DNAH2: variants seen among roughly 807,000 people sequenced by gnomAD.
The protein encoded by DNAH2 is dynein axonemal heavy chain 2, also known as axonemal beta dynein heavy chain 2.
Under a neutral mutation model 523.5 loss-of-function variants are expected in DNAH2, and 323 were observed. That is an observed-to-expected ratio of 0.62 (90% confidence interval 0.56 to 0.68). DNAH2 has a LOEUF of 0.68. DNAH2 is among the 30% of genes least tolerant of loss of function. The pLI is 0.00. For missense variants in DNAH2, 4,907 were observed against 5,701.5 expected (o/e 0.86, Z 4.49); for synonymous variants, 2,093 against 2,177.4 (o/e 0.96, Z 1.08).
chr17:7,809,241 C>T (rs2077445590), intron 63 of DNAH2, among the ~76,000 whole-genome samples: 1 of 152,194 alleles, frequency 6.6e-6, no homozygotes. Flanking sequence ...GAGCCTGAGG[C>T]TAGGGAGATC....
intron 49 of DNAH2, among the ~76,000 whole-genome samples, chr17:7,795,362 C>T (rs1176922705): frequency 6.6e-6 from 1 of 151,946 alleles, no homozygotes; most frequent in African/African-American, 2.4e-5. Flanking sequence ...GAATATTTTG[C>T]ATTCATTTTT....
chr17:7,769,456 C>T (rs570425214), intron 24 of DNAH2, among the ~76,000 whole-genome samples: 2 of 152,272 alleles, frequency 1.3e-5, no homozygotes, highest in South Asian at 4.1e-4. Context: ...GCCACCGTGC[C>T]CGTCCCGCCT....
At chr17:7,820,000 G>A (rs1190537923) in intron 72 of DNAH2, among the ~76,000 whole-genome samples, 1 of 152,016 alleles carries the variant, frequency 6.6e-6, no homozygotes, top group African/African-American at 2.4e-5. Flanking sequence ...GTACAGAAAG[G>A]GTCTCCCTAT....
chr17:7,831,763 G>T lies in DNAH2; in HGVS notation c.12714G>T (p.Pro4238=). 1 of 1,613,758 alleles carries T rather than the reference G, an allele frequency of 6.2e-7. No individual in the cohort carries two copies. Among genetic ancestry groups the T allele is most frequent in the Non-Finnish European group, 8.5e-7 (1 of 1,179,814 alleles). Residue 4238 remains proline, a synonymous_variant, in exon 82 of 86, where the codon CCG becomes CCT. Coordinates refer to ENST00000572933, the MANE Select transcript of DNAH2 (RefSeq NM_020877.5). The surrounding 1 kb of genome is among the most constrained non-coding windows in gnomAD (Gnocchi z 4.2). ...FNCIFDAHVP[P]LWGKAYPSQK... ...GCATCTTTGATGCCCATGTTCCTCC[G>T]CTCTGGGGAAAGGCAAGATTATACC...
Position 7,719,747 on chromosome 17 carries a change from G to A in DNAH2, c.13G>A (p.Ala5Thr), listed in dbSNP as rs756062018. The A allele has an allele frequency of 6.2e-7, 1 of 1,614,236 alleles. No homozygotes were observed. The highest frequency in any genetic ancestry group is 2.2e-5 in the East Asian group (1 of 44,880). ...TTTTGCCTGCACGATGTCCAGCAAAGCTGAGAAGAAGCAGCGATTGAGTGG... is the reference window on the plus strand; with the variant it reads ...TTTTGCCTGCACGATGTCCAGCAAAACTGAGAAGAAGCAGCGATTGAGTGG... MSSK[A>T]EKKQRLSGRG... Residue 5 changes from alanine (A) to threonine (T), a missense_variant, in exon 2 of 86, where the codon GCT (alanine) becomes ACT (threonine). Ala to Thr is a moderately conservative substitution (Grantham distance 58, BLOSUM62 0). Transcript: ENST00000572933.
chr17:7,759,528 A>G lies in DNAH2; in HGVS notation c.2555A>G (p.Asn852Ser). 1 of 1,614,204 alleles carries G rather than the reference A, an allele frequency of 6.2e-7. No individual in the cohort carries two copies. Among genetic ancestry groups the G allele is most frequent in the African/African-American group, 1.3e-5 (1 of 75,050 alleles). The change falls in exon 16 of 86, where the codon AAC becomes AGC. Residue 852 changes from asparagine (N) to serine (S), a missense_variant. Asn to Ser is a conservative substitution (Grantham distance 46, BLOSUM62 1). Around this residue, in one of 3 missense-constraint regions of DNAH2, gnomAD observed 2,806 missense variants for 3,190.8 expected, o/e 0.88. Transcript: ENST00000572933. ...CTGCTAGAACTATCCAAGGCTATCA[A>G]CGGGGATGGAAAGACCAGCCCAAAC... ...WSLLELSKAI[N>S]GDGKTSPNPL...
In DNAH2 at chr17:7,833,419, A is replaced by T; in HGVS notation, c.13170A>T (p.Ala4390=). 1 of 1,614,166 alleles carries T rather than the reference A, an allele frequency of 6.2e-7. No homozygotes were observed. Among genetic ancestry groups the T allele is most frequent in the South Asian group, 1.1e-5 (1 of 91,092 alleles). Residue 4390 remains alanine (A), a synonymous_variant, in exon 86 of 86, where the codon GCA becomes GCT. Transcript: ENST00000572933. ...SCPCYYYPNR[A]GSSDRASFVI... ...CCTGCTATTACTATCCCAACCGGGC[A>T]GGCAGCTCAGACCGAGCCTCCTTTG...
intron 60 of DNAH2, 63 bp downstream of exon 60, chr17:7,805,137 CA>C: frequency 1.3e-6 from 2 of 1,597,450 alleles, no homozygotes; most frequent in Admixed American, 3.4e-5. Context: ...GGGAATGGGC[CA>C]GTCTTCTTTG....
At position 7,786,054 on chromosome 17, in the gene DNAH2, G is replaced by C; in HGVS notation, c.6130-70G>C. The C allele has an allele frequency of 1.3e-6, 2 of 1,521,998 alleles. No individual in the cohort carries two copies. Among genetic ancestry groups the C allele is most frequent in the Middle Eastern group, 1.7e-4 (1 of 5,842 alleles). 94.3% of individuals were successfully genotyped at this position (1,521,998 alleles called of 1,614,324 possible). A position where few individuals can be genotyped will look rare whatever the true frequency, so the allele number is the denominator to read the frequency against. On this transcript the variant is annotated intron_variant, in intron 39 of 85. Coordinates refer to ENST00000572933, the MANE Select transcript of DNAH2 (RefSeq NM_020877.5). The surrounding 1 kb of genome is among the most constrained non-coding windows in gnomAD (Gnocchi z 7.5). ...TTTGAACGTATTCTCTCTGGCACCGGGGAGATTTTGAAAGCCCTTTAAAGG... is the reference window on the plus strand; with the variant it reads ...TTTGAACGTATTCTCTCTGGCACCGCGGAGATTTTGAAAGCCCTTTAAAGG...
At chr17:7,787,536 A>C in intron 42 of DNAH2, 1 of 258,926 alleles carries the variant, frequency 3.9e-6, no homozygotes, top group Non-Finnish European at 7.5e-6. Context: ...GGAGTTCAAG[A>C]CCAGCCTGGC....
chr17:7,784,487 G>A (rs1051896941), intron 39 of DNAH2, among the ~76,000 whole-genome samples: 2 of 152,056 alleles, frequency 1.3e-5, no homozygotes, highest in Non-Finnish European at 2.9e-5. Context: ...AGGCTGCATT[G>A]AGCCATGACT....
chr17:7,791,300 A>G (rs2076889981), intron 44 of DNAH2, among the ~76,000 whole-genome samples: 2 of 150,664 alleles, frequency 1.3e-5, no homozygotes, highest in African/African-American at 4.9e-5. Context: ...CGAACTCGTG[A>G]CCTCAGGTGA....
rs1567694995 is a variant in DNAH2, at chr17:7,786,090, T to C, written c.6130-34T>C. 3 of 1,611,250 alleles carry C rather than the reference T, an allele frequency of 1.9e-6. No homozygotes were observed. The highest frequency in any genetic ancestry group is 2.5e-6 in the Non-Finnish European group (3 of 1,178,254). ...AAAGCCCTTTAAAGGCCTCATCCTTTTTCTTCTGCTTGCTGTGTTTTCCCT... is the reference window on the plus strand; with the variant it reads ...AAAGCCCTTTAAAGGCCTCATCCTTCTTCTTCTGCTTGCTGTGTTTTCCCT... On this transcript the variant is annotated intron_variant, in intron 39 of 85. Coordinates refer to ENST00000572933, the MANE Select transcript of DNAH2 (RefSeq NM_020877.5). The surrounding 1 kb of genome is among the most constrained non-coding windows in gnomAD (Gnocchi z 7.5).
At chr17:7,809,840 TAA>T (rs796068621) in intron 63 of DNAH2, among the ~76,000 whole-genome samples, 37 of 136,962 alleles carry the variant, frequency 2.7e-4, no homozygotes, top group Admixed American at 3.0e-4. Flanking sequence ...AAATGCACCT[TAA>T]AAAAAAAAAA....
chr17:7,779,071 T>C (rs1299911913), intron 35 of DNAH2, among the ~76,000 whole-genome samples, 172 bp from the exon 36 acceptor site: 1 of 152,188 alleles, frequency 6.6e-6, no homozygotes, highest in Non-Finnish European at 1.5e-5. Flanking sequence ...CCCCATCTGA[T>C]GGAAAGTTCT....
chr17:7,780,098 G>A lies in DNAH2; in HGVS notation c.5723-59G>A. ...ATGAGACTGATTGGAAAGTGGGTTT[G>A]GGGAAGCAAATCAAGATGAGGAAAT... On this transcript the variant is annotated intron_variant, in intron 36 of 85. Coordinates refer to ENST00000572933, the MANE Select transcript of DNAH2 (RefSeq NM_020877.5). The surrounding 1 kb of genome is among the most constrained non-coding windows in gnomAD (Gnocchi z 4.4). 1 of 1,572,598 alleles carries A rather than the reference G, an allele frequency of 6.4e-7. No individual in the cohort carries two copies. The highest frequency in any genetic ancestry group is 1.9e-5 in the Admixed American group (1 of 51,782).
At chr17:7,820,431 A>G (rs1033435798) in intron 72 of DNAH2, among the ~76,000 whole-genome samples, 7 of 152,128 alleles carry the variant, frequency 4.6e-5, no homozygotes, top group African/African-American at 1.7e-4. Flanking sequence ...CTCCTGCCTC[A>G]GCCTCACCTT....
rs759822487 is a variant in DNAH2, at chr17:7,740,783, C to T, written c.1507-27C>T. Reference sequence around the variant, plus strand: ...AGGGAACCCGCCTTCCCGGGCACGTCGCCAGCCTCTTCCTCTTCTTCCCTA... The same window carrying T: ...AGGGAACCCGCCTTCCCGGGCACGTTGCCAGCCTCTTCCTCTTCTTCCCTA... On this transcript the variant is annotated intron_variant, in intron 10 of 85. Coordinates refer to ENST00000572933, the MANE Select transcript of DNAH2 (RefSeq NM_020877.5). The T allele has an allele frequency of 1.2e-5, 19 of 1,590,002 alleles. No homozygotes were observed. The Admixed American group carries it at 1.3e-4, about 11-fold the overall frequency.
intron 77 of DNAH2, among the ~76,000 whole-genome samples, chr17:7,829,817 G>A (rs984391152): frequency 7.9e-5 from 12 of 151,808 alleles, no homozygotes; most frequent in African/African-American, 2.7e-4. Flanking sequence ...TTGAGGTCAC[G>A]AGTTTGAGAC....
Sources: gnomAD v4.1 joint callset for allele counts (sites outside exome capture counted in the v4.1 genomes callset) on GRCh38, gnomAD v4.1.1 for gene constraint, gnomAD v4.1.1 regional missense constraint, Gnocchi (gnomAD v3.1) non-coding constraint, MANE v1.5 for transcripts, NCBI Gene and HGNC (gene_info 2026-07-23, HGNC 2026-07-21) for gene names.